GALNT13: variants seen among roughly 807,000 people sequenced by gnomAD.
GALNT13 encodes the protein UDP-GalNAc:polypeptide N-acetylgalactosaminyltransferase 13.
GALNT13 carries 28 observed loss-of-function variants against 64.2 expected under a neutral mutation model. That is an observed-to-expected ratio of 0.44 (90% confidence interval 0.32 to 0.60). The LOEUF is 0.60. Ranked by LOEUF, GALNT13 falls within the 20% of genes least tolerant of loss-of-function variation. GALNT13 has a pLI of 0.05. For synonymous variants in GALNT13, 214 were observed against 224.6 expected (o/e 0.95, Z 0.42); for missense variants, 577 against 669.8 (o/e 0.86, Z 1.53).
chr2:153,379,200 T>G, the GALNT13 span, among the ~76,000 whole-genome samples: 1 of 152,214 alleles, frequency 6.6e-6, no homozygotes, highest in Non-Finnish European at 1.5e-5. Context: ...GGCTAGTTCA[T>G]GAAGTTGATT....
chr2:153,508,425 C>T, the GALNT13 span, among the ~76,000 whole-genome samples: 42 of 152,038 alleles, frequency 2.8e-4, no homozygotes, highest in African/African-American at 9.2e-4. Flanking sequence ...GTTCCTAGGC[C>T]GGTGGAGTTA....
At chr2:154,313,239 T>A (rs960986455) in intron 9 of GALNT13, among the ~76,000 whole-genome samples, 5 of 149,094 alleles carry the variant, frequency 3.4e-5, no homozygotes, top group African/African-American at 1.2e-4. Flanking sequence ...TATATATTTA[T>A]GCATATGTAT....
the GALNT13 span, among the ~76,000 whole-genome samples, chr2:153,196,736 C>T: frequency 0.079 from 12,086 of 152,120 alleles, 463 homozygotes; most frequent in Middle Eastern, 0.12. Context: ...GTGGGTGGCT[C>T]GTCCTGACCC....
chr2:154,374,850 A>G (rs1239648411), intron 9 of GALNT13, among the ~76,000 whole-genome samples: 3 of 152,210 alleles, frequency 2.0e-5, no homozygotes, highest in Non-Finnish European at 2.9e-5. Flanking sequence ...CAAAAAGACA[A>G]CGAGCTAAAT....
chr2:153,226,905 T>C, the GALNT13 span, among the ~76,000 whole-genome samples: 2 of 152,190 alleles, frequency 1.3e-5, no homozygotes, highest in Non-Finnish European at 2.9e-5. Context: ...GTGGAAATAG[T>C]AAAATATCCT....
chr2:154,152,589 T>C (rs2105628649), intron 4 of GALNT13, among the ~76,000 whole-genome samples: 1 of 152,292 alleles, frequency 6.6e-6, no homozygotes, highest in East Asian at 1.9e-4. Context: ...AGGTTTGGTC[T>C]TTTCACATAG....
the GALNT13 span, among the ~76,000 whole-genome samples, chr2:153,345,629 C>T: frequency 0.052 from 5,538 of 106,112 alleles, 211 homozygotes; most frequent in Non-Finnish European, 0.07. Context: ...TTTTCTTTTC[C>T]TTTCTTTTTC....
chr2:153,349,571 G>A, the GALNT13 span, among the ~76,000 whole-genome samples: 1 of 152,172 alleles, frequency 6.6e-6, no homozygotes, highest in African/African-American at 2.4e-5. Context: ...GATGGTGGCG[G>A]AGTCCCAGGA....
chr2:153,539,728 C>T, the GALNT13 span, among the ~76,000 whole-genome samples: 1 of 151,086 alleles, frequency 6.6e-6, no homozygotes, highest in Non-Finnish European at 1.5e-5. Flanking sequence ...TTTCTGAGGG[C>T]TCTGTTCTAT....
chr2:153,658,784 T>A, the GALNT13 span, among the ~76,000 whole-genome samples: 1 of 4,788 alleles, frequency 2.1e-4, no homozygotes, highest in Admixed American at 3.9e-3. Flanking sequence ...CTTTGCTTGC[T>A]TTTTTTTTTT....
the GALNT13 span, among the ~76,000 whole-genome samples, chr2:153,082,606 TATATATATATATACACACACACAC>T: frequency 2.0e-4 from 9 of 44,790 alleles, no homozygotes; most frequent in Admixed American, 2.7e-4. Flanking sequence ...TATATATATA[TATATATATATATACACACACACAC>T]ACACACACAC....
intron 1 of GALNT13, among the ~76,000 whole-genome samples, chr2:153,891,061 C>T (rs989833196): frequency 6.6e-6 from 1 of 152,032 alleles, no homozygotes; most frequent in African/African-American, 2.4e-5. Context: ...TGTATGTCTA[C>T]ATCTCTTTGC....
the GALNT13 span, among the ~76,000 whole-genome samples, chr2:153,171,298 G>A: frequency 7.2e-5 from 11 of 152,310 alleles, no homozygotes; most frequent in African/African-American, 2.4e-4. Context: ...GCAACTAATT[G>A]AGTGCATGAA....
chr2:153,153,283 A>G, the GALNT13 span, among the ~76,000 whole-genome samples: 1 of 151,882 alleles, frequency 6.6e-6, no homozygotes, highest in Non-Finnish European at 1.5e-5. Flanking sequence ...TAAGTTCCTT[A>G]TAGATGCTGT....
At chr2:153,173,357 A>T in the GALNT13 span, 8 of 152,250 alleles carry the variant, frequency 5.3e-5, no homozygotes, top group African/African-American at 1.9e-4. Flanking sequence ...CATGATATCA[A>T]ACTATTTGTC....
At chr2:153,681,606 ATC>A in the GALNT13 span, among the ~76,000 whole-genome samples, 1 of 151,788 alleles carries the variant, frequency 6.6e-6, no homozygotes, top group Non-Finnish European at 1.5e-5. Context: ...TCCTGTCAGT[ATC>A]TCTCTCCTCA....
chr2:153,794,262 TATGTA>T, the GALNT13 span, among the ~76,000 whole-genome samples: 1 of 152,136 alleles, frequency 6.6e-6, no homozygotes. Flanking sequence ...ATTAAATCAT[TATGTA>T]AGGTAATATT....
At position 154,243,047 on chromosome 2, in the gene GALNT13, T is replaced by C. The variant is rs1689582591; in HGVS notation, c.686+142T>C. 6.3e-6 allele frequency: 4 copies of C among 633,132 alleles called. No homozygotes were observed. In the Admixed American group the frequency reaches 9.3e-5, roughly 15 times the overall value. The allele number at this position is 633,132 out of a possible 1,614,324, so 39.2% of individuals were successfully genotyped here. ...TTTTCTTAAAAGCACGTTTTCCCAC[T>C]TGCTTGATAAATAAGACTGCTGTAT... On this transcript the variant is annotated intron_variant, in intron 6 of 12. Coordinates refer to ENST00000392825, the MANE Select transcript of GALNT13 (RefSeq NM_052917.4).
intron 3 of GALNT13, among the ~76,000 whole-genome samples, chr2:154,078,153 C>G (rs956967814): frequency 6.6e-6 from 1 of 151,272 alleles, no homozygotes; most frequent in African/African-American, 2.4e-5. Flanking sequence ...GTATAAGTTG[C>G]TTCTTTGGAG....
Sources: allele counts gnomAD v4.1 joint callset (sites outside exome capture counted in the v4.1 genomes callset), GRCh38; gene constraint gnomAD v4.1.1; transcripts MANE v1.5; gene names NCBI Gene and HGNC (gene_info 2026-07-23, HGNC 2026-07-21).